Variants in MTTP observed in about 807,000 individuals in gnomAD.
MTTP encodes the protein microsomal triglyceride transfer protein, also known as microsomal triglyceride transfer protein large subunit.
Under a neutral mutation model 90.6 loss-of-function variants are expected in MTTP, and 49 were observed. That is an observed-to-expected ratio of 0.54 (90% CI 0.43 to 0.69). MTTP has a LOEUF of 0.69. Ranked by LOEUF, MTTP falls within the 30% of genes least tolerant of loss-of-function variation. The pLI is 0.00. For missense variants in MTTP, 945 were observed against 1,067.5 expected (o/e 0.89, Z 1.60); for synonymous variants, 347 against 384.2 (o/e 0.90, Z 1.13).
rs1191091593 is a variant in MTTP, at chr4:99,583,783, T to A, written c.393+266T>A. The A allele has an allele frequency of 1.6e-5, 9 of 568,556 alleles. No homozygotes were observed. The East Asian group carries it at 2.6e-4, about 16-fold the overall frequency. The allele number at this position is 568,556 out of a possible 1,614,324, so 35.2% of individuals were successfully genotyped here. A position where few individuals can be genotyped will look rare whatever the true frequency, so the allele number is the denominator to read the frequency against. The stretch of plus-strand genomic sequence containing the variant: ...AGTATTTATTTATTGATGAAAGGCA[T>A]TATTAAAAGGTAAATTTCTCATCAA... On this transcript the variant is annotated intron_variant, in intron 3 of 17. Transcript: ENST00000265517.
intron 15 of MTTP, among the ~76,000 whole-genome samples, chr4:99,615,282 C>G (rs1266580761): frequency 2.6e-5 from 4 of 152,246 alleles, no homozygotes; most frequent in Non-Finnish European, 4.4e-5. Context: ...ATCAGCAATA[C>G]ATTAACAAAT....
At position 99,623,239 on chromosome 4, in the gene MTTP, C is replaced by A; in HGVS notation, c.*391C>A. ...AATGTATATGAAGCTCTTGATAGGA[C>A]TTCCTTAAGCATGACGGGAAAACCA... On this transcript the variant is annotated 3_prime_UTR_variant, in exon 18 of 18. Coordinates refer to ENST00000265517, the MANE Select transcript of MTTP (RefSeq NM_001386140.1). 5.5e-6 allele frequency: 1 copy of A among 181,988 alleles called. No homozygotes were observed. Among genetic ancestry groups the A allele is most frequent in the Non-Finnish European group, 1.1e-5 (1 of 87,164 alleles). 11.3% of individuals were successfully genotyped at this position (181,988 alleles called of 1,614,324 possible).
chr4:99,598,789 G>A (rs991071792), intron 8 of MTTP, among the ~76,000 whole-genome samples: 4 of 147,476 alleles, frequency 2.7e-5, no homozygotes, highest in Non-Finnish European at 4.5e-5. Flanking sequence ...TCAGCCTCCC[G>A]AATAGCTGGG....
Position 99,601,699 on chromosome 4 carries a change from A to T in MTTP, c.1329A>T (p.Glu443Asp), listed in dbSNP as rs1725702846. 3 of 1,612,428 alleles carry T rather than the reference A, an allele frequency of 1.9e-6. No homozygotes were observed. In the South Asian group the frequency reaches 3.3e-5, roughly 18 times the overall value. ...TTGTCAGAAAGTTGTGTCAGAATGA[A>T]GGCTGCAAACTCAAAGTAAGTGCAA... is the stretch of plus-strand genomic sequence containing the variant. ...GTLVRKLCQN[E>D]GCKLKAVVEA... The change falls in exon 10 of 18, where the codon GAA becomes GAT. Residue 443 changes from glutamate (E) to aspartate (D), a missense_variant. By Grantham distance (45) the Glu-to-Asp change is conservative. Coordinates refer to ENST00000265517, the MANE Select transcript of MTTP (RefSeq NM_001386140.1).
intron 1 of MTTP, among the ~76,000 whole-genome samples, chr4:99,568,047 G>A (rs11943031): frequency 0.26 from 39,829 of 151,902 alleles, 5,386 homozygotes; most frequent in South Asian, 0.35. Context: ...GAAAATATTA[G>A]AGAACCACAT....
intron 1 of MTTP, among the ~76,000 whole-genome samples, chr4:99,567,664 C>T (rs1353797037): frequency 1.3e-5 from 2 of 152,124 alleles, no homozygotes; most frequent in Non-Finnish European, 2.9e-5. Context: ...CATAGCCCAA[C>T]ACTAGGGAGA....
chr4:99,595,071 A>G (rs1725522580), intron 7 of MTTP, among the ~76,000 whole-genome samples, 188 bp downstream of exon 7: 1 of 152,198 alleles, frequency 6.6e-6, no homozygotes, highest in Non-Finnish European at 1.5e-5. Context: ...ATTAACAAAT[A>G]GTTACCATTC....
At position 99,622,724 on chromosome 4, in the gene MTTP, T is replaced by C. The variant is rs577586289; in HGVS notation, c.2561T>C (p.Val854Ala). 6.2e-7 allele frequency: 1 copy of C among 1,614,106 alleles called. No individual in the cohort carries two copies. The highest frequency in any genetic ancestry group is 1.1e-5 in the South Asian group (1 of 91,084). Residue 854 changes from valine (V) to alanine (A), a missense_variant, in exon 18 of 18, where the codon GTC becomes GCC. Transcript: ENST00000265517. ...YERLSTGRGY[V>A]SQKRKESVLA... ...AGGCTGTCCACAGGCAGAGGTTATG[T>C]CTCTCAGAAAAGAAAAGAAAGCGTA...
At chr4:99,600,347 T>C (rs1725663642) in intron 8 of MTTP, among the ~76,000 whole-genome samples, 1 of 151,996 alleles carries the variant, frequency 6.6e-6, no homozygotes, top group South Asian at 2.1e-4. Context: ...TGAGTATACA[T>C]TGTTTGAGTG....
chr4:99,603,534 A>T (rs1306594250), intron 10 of MTTP, among the ~76,000 whole-genome samples: 1 of 152,138 alleles, frequency 6.6e-6, no homozygotes, highest in Non-Finnish European at 1.5e-5. Flanking sequence ...TTCAAGGGCC[A>T]CTTTATTTAG....
chr4:99,594,552 G>A (rs927079003), intron 6 of MTTP, among the ~76,000 whole-genome samples, 181 bp from the exon 7 acceptor site: 2 of 152,028 alleles, frequency 1.3e-5, no homozygotes, highest in Non-Finnish European at 2.9e-5. Flanking sequence ...TAATATAATT[G>A]TTGCTCCAGA....
chr4:99,609,606 G>A (rs1165661494), intron 12 of MTTP, among the ~76,000 whole-genome samples: 2 of 151,820 alleles, frequency 1.3e-5, no homozygotes, highest in African/African-American at 4.9e-5. Flanking sequence ...TGAGTTACAT[G>A]CAGAACACTA....
intron 2 of MTTP, 137 bp from the exon 3 acceptor site, chr4:99,583,237 A>G (rs1353357050): frequency 4.9e-6 from 5 of 1,025,456 alleles, no homozygotes; most frequent in Non-Finnish European, 7.2e-6. Context: ...GCAAGGTCCT[A>G]TAAATCATGA....
chr4:99,612,775 T>C, intron 14 of MTTP, 138 bp from the exon 15 acceptor site: 1 of 751,380 alleles, frequency 1.3e-6, no homozygotes. Context: ...TTGTCTGTTT[T>C]AGTTTTTGTT....
At chr4:99,593,864 A>C (rs1452584230) in intron 6 of MTTP, among the ~76,000 whole-genome samples, 1 of 152,200 alleles carries the variant, frequency 6.6e-6, no homozygotes, top group Admixed American at 6.5e-5. Context: ...TTCCATTGCT[A>C]TGTAACAACC....
chr4:99,606,870 T>A lies in MTTP; in HGVS notation c.1467T>A (p.Leu489=), dbSNP rs545161344. The part of the protein sequence containing the change: ...NALLPEGIPS[L]LKYAEAGEGP... Reference sequence around the variant, plus strand: ...TGCTTCCAGAAGGCATCCCAAGTCTTCTGAAGTATGCAGAAGCAGGAGAAG... The same window carrying A: ...TGCTTCCAGAAGGCATCCCAAGTCTACTGAAGTATGCAGAAGCAGGAGAAG... The change falls in exon 11 of 18, where the codon CTT becomes CTA. Residue 489 remains leucine, a synonymous_variant. Coordinates refer to ENST00000265517, the MANE Select transcript of MTTP (RefSeq NM_001386140.1). 6.2e-7 allele frequency: 1 copy of A among 1,614,094 alleles called. No individual in the cohort carries two copies. The highest frequency in any genetic ancestry group is 1.3e-5 in the African/African-American group (1 of 75,022).
rs1390305199 is a variant in MTTP at position 99,589,552 on chromosome 4, G to C, written c.394-91G>C. Reference sequence around the variant, plus strand: ...ATCTCTTTCTCCCAGGATTAATACAGGTAAGAATCTGACCTTGCCTGACAC... The same window carrying C: ...ATCTCTTTCTCCCAGGATTAATACACGTAAGAATCTGACCTTGCCTGACAC... On this transcript the variant is annotated intron_variant, in intron 3 of 17. Transcript: ENST00000265517. The C allele has an allele frequency of 5.2e-6, 4 of 770,112 alleles. No homozygotes were observed. In the African/African-American group the frequency reaches 6.9e-5, roughly 13 times the overall value. 47.7% of individuals were successfully genotyped at this position (770,112 alleles called of 1,614,324 possible). A position where few individuals can be genotyped will look rare whatever the true frequency, so the allele number is the denominator to read the frequency against.
intron 10 of MTTP, among the ~76,000 whole-genome samples, chr4:99,602,811 G>C (rs1252528780): frequency 6.6e-6 from 1 of 152,046 alleles, no homozygotes; most frequent in Non-Finnish European, 1.5e-5. Flanking sequence ...CATATCAAAA[G>C]ATCTATTCAG....
chr4:99,611,031 A>C (rs1725935340), intron 12 of MTTP, 112 bp from the exon 13 acceptor site: 1 of 1,108,836 alleles, frequency 9.0e-7, no homozygotes, highest in East Asian at 2.5e-5. Context: ...GAAAGGCATG[A>C]GGAAAATTTG....
Sources: gnomAD v4.1 joint callset for allele counts (sites outside exome capture counted in the v4.1 genomes callset) on GRCh38, gnomAD v4.1.1 for gene constraint, MANE v1.5 for transcripts, NCBI Gene and HGNC (gene_info 2026-07-23, HGNC 2026-07-21) for gene names.